The following UTP4 variants were observed in gnomAD, a reference collection of about 807,000 sequenced individuals.
UTP4 encodes U3 small nucleolar RNA-associated protein 4 homolog.
Under a neutral mutation model 82.4 loss-of-function variants are expected in UTP4, and 45 were observed. The ratio of observed to expected loss-of-function variants is 0.55; its 90% CI spans 0.43 to 0.70. The LOEUF is 0.70. UTP4 is among the 30% of genes least tolerant of loss of function. The probability of loss-of-function intolerance (pLI) is 0.00; values close to 1 mark genes in which losing one functional copy is unlikely to be tolerated. For missense variants in UTP4, 819 were observed against 858.3 expected (o/e 0.95, Z 0.57); for synonymous variants, 348 against 300.3 (o/e 1.16, Z -1.64).
intron 5 of UTP4, among the ~76,000 whole-genome samples, chr16:69,140,893 A>G (rs765653729): frequency 5.9e-4 from 90 of 152,250 alleles, no homozygotes; most frequent in Non-Finnish European, 1.1e-3. Context: ...CGTCTGCCAC[A>G]GGCATCCACA....
At position 69,154,419 on chromosome 16, in the gene UTP4, T is replaced by C. The variant is rs766230520; in HGVS notation, c.1126T>C (p.Ser376Pro). ...CAAGAATGGGGATACTCTTCCACTC[T>C]CTAAAAATGCAGATCATTTACTGCA... ...TGKNGDTLPL[S>P]KNADHLLHLK... is the part of the protein sequence containing the mutation. The change falls in exon 10 of 17, where the codon TCT becomes CCT. Residue 376 changes from serine (S) to proline (P), a missense_variant. Physicochemically the swap from Ser to Pro is moderately conservative, Grantham distance 74. Transcript: ENST00000314423. 2 of 1,613,308 alleles carry C rather than the reference T, an allele frequency of 1.2e-6. No individual in the cohort carries two copies. The highest frequency in any genetic ancestry group is 8.5e-7 in the Non-Finnish European group (1 of 1,179,320).
At chr16:69,150,280 A>G (rs926865735) in intron 6 of UTP4, among the ~76,000 whole-genome samples, 4 of 152,102 alleles carry the variant, frequency 2.6e-5, no homozygotes, top group African/African-American at 9.7e-5. Flanking sequence ...TATTCTAAGG[A>G]GATCTATGTT....
intron 13 of UTP4, among the ~76,000 whole-genome samples, chr16:69,161,817 C>A (rs1373487270): frequency 6.6e-6 from 1 of 152,186 alleles, no homozygotes; most frequent in East Asian, 1.9e-4. Context: ...GCGAGTCCCA[C>A]CACACCTAGC....
intron 8 of UTP4, among the ~76,000 whole-genome samples, chr16:69,151,495 T>C (rs969768507): frequency 6.6e-6 from 1 of 151,528 alleles, no homozygotes; most frequent in Admixed American, 6.6e-5. Flanking sequence ...CTAATTTTTT[T>C]ATTTTTAGTA....
intron 6 of UTP4, among the ~76,000 whole-genome samples, chr16:69,147,478 C>G (rs956469301): frequency 2.6e-5 from 4 of 152,154 alleles, no homozygotes; most frequent in African/African-American, 9.6e-5. Flanking sequence ...GCACTCCAGC[C>G]TGGGTGACAG....
intron 13 of UTP4, 46 bp from the exon 14 acceptor site, chr16:69,163,037 A>G (rs1173372829): frequency 1.4e-6 from 2 of 1,383,944 alleles, no homozygotes; most frequent in Non-Finnish European, 2.1e-6. Context: ...TTGCTGAGGA[A>G]AAGTGTCACT....
In UTP4 at chr16:69,143,353, C is replaced by T. The variant is rs1260289237; in HGVS notation, c.702C>T (p.Ile234=). 3.1e-6 allele frequency: 5 copies of T among 1,614,022 alleles called. No homozygotes were observed. Among genetic ancestry groups the T allele is most frequent in the Non-Finnish European group, 4.2e-6 (5 of 1,180,036 alleles). ...GGACGCTTGTGAAGAGCCATCTCAT[C>T]GCTAATGCTGACGTGCAGTCCATTG... is the stretch of plus-strand genomic sequence containing the variant. ...ATGTLVKSHL[I]ANADVQSIAV... is the part of the protein sequence containing the mutation. The change falls in exon 6 of 17, where the codon ATC becomes ATT. Residue 234 remains isoleucine, a synonymous_variant. Transcript: ENST00000314423.
Position 69,160,370 on chromosome 16 carries a change from A to G in UTP4, c.1459A>G (p.Met487Val). 6.2e-7 allele frequency: 1 copy of G among 1,614,036 alleles called. No individual in the cohort carries two copies. Among genetic ancestry groups the G allele is most frequent in the Non-Finnish European group, 8.5e-7 (1 of 1,179,888 alleles). The stretch of plus-strand genomic sequence containing the variant: ...TGTCCTCACAGGAACAGTGGAGGCC[A>G]TGTGTCTTTTGGCAGTCAGTCCAGA... ...FQPQSGTVEA[M>V]CLLAVSPDGN... The change falls in exon 13 of 17, where the codon ATG becomes GTG. Residue 487 changes from methionine to valine, a missense_variant. Physicochemically the swap from Met to Val is conservative, Grantham distance 21 (BLOSUM62 1). Coordinates refer to ENST00000314423, the MANE Select transcript of UTP4 (RefSeq NM_032830.3).
At chr16:69,162,996 A>G (rs1361011968) in intron 13 of UTP4, 87 bp from the exon 14 acceptor site, 1 of 1,047,288 alleles carries the variant, frequency 9.5e-7, no homozygotes, top group Non-Finnish European at 1.5e-6. Flanking sequence ...GAGGAGCAGT[A>G]TTTAAACCCC....
chr16:69,155,834 T>G (rs758063700), intron 10 of UTP4, 37 bp from the exon 11 acceptor site: 1 of 1,613,900 alleles, frequency 6.2e-7, no homozygotes, highest in African/African-American at 1.3e-5. Context: ...TATGTGAAGT[T>G]TAATTGCACA....
At chr16:69,155,736 C>A in intron 10 of UTP4, 135 bp from the exon 11 acceptor site, 1 of 929,500 alleles carries the variant, frequency 1.1e-6, no homozygotes, top group Non-Finnish European at 1.8e-6. Context: ...TTAATGCAGA[C>A]CACACGAGGA....
intron 4 of UTP4, chr16:69,138,147 G>T: frequency 4.2e-6 from 2 of 472,322 alleles, no homozygotes; most frequent in East Asian, 3.7e-5. Context: ...CAATTTGTTA[G>T]TTATCACTTA....
At chr16:69,162,601 G>A (rs1185510337) in intron 13 of UTP4, among the ~76,000 whole-genome samples, 2 of 151,662 alleles carry the variant, frequency 1.3e-5, no homozygotes, top group Non-Finnish European at 1.5e-5. Context: ...AATCCCAGCT[G>A]CTCGGGAGGC....
In UTP4 at chr16:69,146,744, C is replaced by T. The variant is rs187156996; in HGVS notation, c.738+3355C>T. 9.2e-5 allele frequency among the ~76,000 whole-genome samples: 14 copies of T among 152,034 alleles called. No individual in the cohort carries two copies. In the East Asian group the frequency reaches 2.7e-3, roughly 30 times the overall value. Reference sequence around the variant, plus strand: ...GGGCGCGGTGGCTCACGCCTGTAATCCTAGCACTTTGGGAGGCCGAGGCGG... The same window carrying T: ...GGGCGCGGTGGCTCACGCCTGTAATTCTAGCACTTTGGGAGGCCGAGGCGG... On this transcript the variant is annotated intron_variant, in intron 6 of 16. Coordinates refer to ENST00000314423, the MANE Select transcript of UTP4 (RefSeq NM_032830.3).
chr16:69,147,912 T>G (rs1963160455), intron 6 of UTP4, among the ~76,000 whole-genome samples: 1 of 151,974 alleles, frequency 6.6e-6, no homozygotes, highest in African/African-American at 2.4e-5. Flanking sequence ...GACTACAGGC[T>G]CATGCCACCA....
At chr16:69,133,215 G>A (rs1962693147) in intron 1 of UTP4, among the ~76,000 whole-genome samples, 1 of 151,954 alleles carries the variant, frequency 6.6e-6, no homozygotes, top group Non-Finnish European at 1.5e-5. Flanking sequence ...TAGGAACTCT[G>A]GAGCTATGGA....
chr16:69,138,477 A>T lies in UTP4; in HGVS notation c.436+592A>T, dbSNP rs147959022. Among the ~76,000 whole-genome samples, 648 of 152,244 alleles carry T rather than the reference A, an allele frequency of 4.3e-3. 23 individuals are homozygous for T. The South Asian group carries it at 0.08, about 19-fold the overall frequency. The stretch of plus-strand genomic sequence containing the variant: ...GGTCTCGAACTCTTGGTCTTACTCA[A>T]GTGATCCACCTGCCTTGGCCTCAAG... On this transcript the variant is annotated intron_variant, in intron 4 of 16. Coordinates refer to ENST00000314423, the MANE Select transcript of UTP4 (RefSeq NM_032830.3).
At chr16:69,137,018 A>G in intron 3 of UTP4, 131 bp downstream of exon 3, 1 of 805,116 alleles carries the variant, frequency 1.2e-6, no homozygotes, top group Non-Finnish European at 2.2e-6. Context: ...ATTGGAATTG[A>G]TAGTGAAGAT....
At chr16:69,168,623 TA>T (rs1963761879) in intron 16 of UTP4, among the ~76,000 whole-genome samples, 197 bp from the exon 17 acceptor site, 1 of 151,540 alleles carries the variant, frequency 6.6e-6, no homozygotes, top group African/African-American at 2.4e-5. Context: ...GCAAGATCTC[TA>T]AAAAATAAAA....
Sources: allele counts gnomAD v4.1 joint callset (sites outside exome capture counted in the v4.1 genomes callset), GRCh38; gene constraint gnomAD v4.1.1; transcripts MANE v1.5; gene names NCBI Gene and HGNC (gene_info 2026-07-23, HGNC 2026-07-21).